The following DSTYK variants were observed in gnomAD, a reference collection of about 807,000 sequenced individuals.
DSTYK encodes dual serine/threonine and tyrosine protein kinase, also known as RIP-homologous kinase.
DSTYK carries 34 observed loss-of-function variants against 98.7 expected under a neutral mutation model. The observed-to-expected ratio is 0.34, with a 90% CI of 0.26 to 0.46. DSTYK has a LOEUF of 0.46. Among genes scored for constraint, DSTYK ranks in the 20% least tolerant of loss-of-function variants. The pLI is 1.00. For synonymous variants in DSTYK, 462 were observed against 457.3 expected, an observed-to-expected ratio of 1.01 and a Z score of -0.13; for missense variants, 962 against 1,181.7, an observed-to-expected ratio of 0.81 and a Z score of 2.73.
chr1:205,189,225 G>A (rs1043596477), intron 1 of DSTYK, among the ~76,000 whole-genome samples: 2 of 152,074 alleles, frequency 1.3e-5, no homozygotes, highest in South Asian at 4.2e-4. Context: ...CCCCAAACAC[G>A]TTCAAATAAT....
At chr1:205,153,572 A>G (rs1053864466) in intron 10 of DSTYK, among the ~76,000 whole-genome samples, 3 of 152,260 alleles carry the variant, frequency 2.0e-5, no homozygotes, top group Non-Finnish European at 4.4e-5. Flanking sequence ...GTTAATATAG[A>G]TTACATATTA....
At position 205,169,300 on chromosome 1, in the gene DSTYK, T is replaced by C. The variant is rs747583589; in HGVS notation, c.1187A>G (p.Lys396Arg). The change falls in exon 3 of 13, where the codon AAA (lysine) becomes AGA (arginine). Residue 396 changes from lysine (K) to arginine (R), a missense_variant. Transcript: ENST00000367162. This position sits in a 1 kb window ranked among gnomAD's most constrained non-coding sequence, Gnocchi z 4.0. ...TGATTCATACAACTCATTCTCCTTTTTTCGAGTATATTCCAGACGTTTGGG... is the reference window on the plus strand; with the variant it reads ...TGATTCATACAACTCATTCTCCTTTCTTCGAGTATATTCCAGACGTTTGGG... ...ITPKRLEYTR[K>R]KENELYESLM... The C allele has an allele frequency of 6.2e-7, 1 of 1,614,178 alleles. No homozygotes were observed. The highest frequency in any genetic ancestry group is 1.7e-5 in the Admixed American group (1 of 60,008).
At chr1:205,156,644 A>G (rs918345897) in intron 10 of DSTYK, among the ~76,000 whole-genome samples, 12 of 152,342 alleles carry the variant, frequency 7.9e-5, no homozygotes, top group African/African-American at 2.2e-4. Flanking sequence ...GCTCACAGGC[A>G]GAAGGGACTT....
chr1:205,197,266 C>T (rs574884865), intron 1 of DSTYK, among the ~76,000 whole-genome samples: 1 of 152,176 alleles, frequency 6.6e-6, no homozygotes, highest in South Asian at 2.1e-4. Flanking sequence ...CATAGAAGCA[C>T]ATCCTTGTTT....
intron 2 of DSTYK, among the ~76,000 whole-genome samples, chr1:205,175,283 A>T (rs574239181): frequency 1.5e-3 from 223 of 151,602 alleles, no homozygotes; most frequent in South Asian, 4.0e-3. Flanking sequence ...TAGTGGAGTC[A>T]GGGTTTCACC....
At chr1:205,204,519 T>C (rs769350089) in intron 1 of DSTYK, among the ~76,000 whole-genome samples, 1 of 152,074 alleles carries the variant, frequency 6.6e-6, no homozygotes, top group Non-Finnish European at 1.5e-5. Flanking sequence ...GCATTAATTA[T>C]ATGCCTGTGC....
intron 2 of DSTYK, among the ~76,000 whole-genome samples, chr1:205,185,686 G>A (rs1185444510): frequency 7.9e-5 from 12 of 152,166 alleles, no homozygotes; most frequent in Admixed American, 7.2e-4. Context: ...GTGTATATAT[G>A]TACTGGGTCC....
intron 1 of DSTYK, among the ~76,000 whole-genome samples, chr1:205,193,489 CCTT>C (rs1396234924): frequency 1.3e-5 from 2 of 152,070 alleles, no homozygotes; most frequent in African/African-American, 2.4e-5. Context: ...TGCTCTCTGA[CCTT>C]CTCCTAGCCT....
intron 5 of DSTYK, 59 bp downstream of exon 5, chr1:205,162,864 T>C: frequency 7.7e-7 from 1 of 1,290,534 alleles, no homozygotes; most frequent in East Asian, 2.3e-5. Flanking sequence ...CTGGGGTCAC[T>C]ATGATTCATT....
At chr1:205,176,895 C>T (rs1416670565) in intron 2 of DSTYK, among the ~76,000 whole-genome samples, 2 of 152,088 alleles carry the variant, frequency 1.3e-5, no homozygotes, top group African/African-American at 4.8e-5. Context: ...GATGATTATA[C>T]TAACTGATAA....
intron 1 of DSTYK, among the ~76,000 whole-genome samples, chr1:205,195,581 A>G (rs928950610): frequency 2.0e-5 from 3 of 152,222 alleles, no homozygotes; most frequent in African/African-American, 4.8e-5. Flanking sequence ...AGTACACGCT[A>G]TTTCTTTGGA....
Position 205,148,198 on chromosome 1 carries a change from C to T in DSTYK, c.2602+7G>A. On this transcript the variant is annotated splice_region_variant and intron_variant, in intron 12 of 12. Transcript: ENST00000367162. ...AGTTAGGACAAGGTAGTACTTGTGG[C>T]TCTTACCCCTCCGCACATTGTTCCA... 2 of 1,614,056 alleles carry T rather than the reference C, an allele frequency of 1.2e-6. No homozygotes were observed. The highest frequency in any genetic ancestry group is 2.2e-5 in the South Asian group (2 of 91,078).
At chr1:205,173,392 A>C (rs1658127138) in intron 2 of DSTYK, 1 of 47,930 alleles carries the variant, frequency 2.1e-5, no homozygotes, top group Non-Finnish European at 8.0e-5. Flanking sequence ...GACTGTCTCA[A>C]AAAAAAAAAA....
intron 3 of DSTYK, among the ~76,000 whole-genome samples, chr1:205,166,904 G>T (rs1657906125): frequency 6.6e-6 from 1 of 152,196 alleles, no homozygotes. Context: ...CTGTATACAA[G>T]AGTCTGTGTT....
chr1:205,192,660 G>A (rs1658745185), intron 1 of DSTYK, among the ~76,000 whole-genome samples: 2 of 152,020 alleles, frequency 1.3e-5, no homozygotes, highest in Admixed American at 6.6e-5. Context: ...TCAGGAGTTC[G>A]AGACCAGCCT....
intron 2 of DSTYK, among the ~76,000 whole-genome samples, chr1:205,171,698 C>T (rs1658070139): frequency 6.6e-6 from 1 of 152,134 alleles, no homozygotes. Context: ...TAGGGACTCA[C>T]ACATATTAAT....
rs556170271 is a variant in DSTYK at position 205,192,355 on chromosome 1, G to C, written c.266-4549C>G. 1.0e-3 allele frequency among the ~76,000 whole-genome samples: 158 copies of C among 151,830 alleles called. 3 individuals carry two copies. Among genetic ancestry groups the C allele is most frequent in the African/African-American group, 3.7e-3 (154 of 41,374 alleles). On this transcript the variant is annotated intron_variant, in intron 1 of 12. Transcript: ENST00000367162. ...GAGACCAGCCTGGGCAACAAAGGGA[G>C]CAACCCCCGCCGTGCCTTTGTTTCT...
chr1:205,187,562 C>A lies in DSTYK; in HGVS notation c.510G>T (p.Gln170His). The part of the protein sequence containing the change: ...QTRVSLALPG[Q>H]YELVHTLVAH... ...CAACCAGCGTGTGCACTAGTTCATA[C>A]TGTCCAGGGAGCGCCAGGCTGACCC... Residue 170 changes from glutamine to histidine, a missense_variant, in exon 2 of 13, where the codon CAG becomes CAT. Transcript: ENST00000367162. 6.2e-7 allele frequency: 1 copy of A among 1,614,196 alleles called. No individual in the cohort carries two copies. Among genetic ancestry groups the A allele is most frequent in the South Asian group, 1.1e-5 (1 of 91,086 alleles).
chr1:205,175,355 G>A (rs533082515), intron 2 of DSTYK, among the ~76,000 whole-genome samples: 3 of 152,146 alleles, frequency 2.0e-5, no homozygotes, highest in South Asian at 2.1e-4. Context: ...GCCTCCCAAA[G>A]TGCTGGGATT....
Sources: allele counts gnomAD v4.1 joint callset (sites outside exome capture counted in the v4.1 genomes callset), GRCh38; gene constraint gnomAD v4.1.1; non-coding constraint Gnocchi (gnomAD v3.1); transcripts MANE v1.5; gene names NCBI Gene and HGNC (gene_info 2026-07-23, HGNC 2026-07-21).